DOCK8: variants seen among roughly 807,000 people sequenced by gnomAD.
DOCK8 encodes the protein dedicator of cytokinesis protein 8.
Under a neutral mutation model 245.6 loss-of-function variants are expected in DOCK8, and 141 were observed. The observed-to-expected ratio is 0.57, with a 90% CI of 0.50 to 0.66. DOCK8 has a LOEUF of 0.66. Ranked by LOEUF, DOCK8 falls within the 30% of genes least tolerant of loss-of-function variation. DOCK8 has a pLI of 0.00. For missense variants in DOCK8, 2,965 were observed against 2,603.4 expected, an observed-to-expected ratio of 1.14 and a Z score of -3.02; for synonymous variants, 1,168 against 970.2, an observed-to-expected ratio of 1.20 and a Z score of -3.79.
intron 6 of DOCK8, among the ~76,000 whole-genome samples, chr9:315,911 T>C (rs149930670): frequency 2.1e-3 from 323 of 152,336 alleles, no homozygotes; most frequent in African/African-American, 7.5e-3. Flanking sequence ...CCTTTAGATA[T>C]GTCTGTTCCA....
chr9:425,490 CCACTGCA>C (rs1433602361), intron 33 of DOCK8, among the ~76,000 whole-genome samples: 16 of 146,416 alleles, frequency 1.1e-4, no homozygotes, highest in Admixed American at 7.4e-4. Context: ...CAAGATTGCG[CCACTGCA>C]CTCTGCACTC....
chr9:289,792 A>G (rs2048965254), intron 4 of DOCK8, among the ~76,000 whole-genome samples: 1 of 152,202 alleles, frequency 6.6e-6, no homozygotes, highest in African/African-American at 2.4e-5. Context: ...TACATTTGTT[A>G]CAGTAGCTGA....
chr9:366,094 A>G (rs1176964509), intron 14 of DOCK8: 1 of 169,918 alleles, frequency 5.9e-6, no homozygotes, highest in Non-Finnish European at 1.3e-5. Flanking sequence ...CTCATCTTTA[A>G]AAGTTGGGGC....
intron 33 of DOCK8, among the ~76,000 whole-genome samples, chr9:424,937 A>C (rs1315787297): frequency 6.6e-6 from 1 of 152,240 alleles, no homozygotes; most frequent in Non-Finnish European, 1.5e-5. Context: ...CAAATGCTTG[A>C]AATATGGCTA....
chr9:438,539 G>A (rs760385758), intron 39 of DOCK8, among the ~76,000 whole-genome samples: 9 of 152,158 alleles, frequency 5.9e-5, no homozygotes, highest in Non-Finnish European at 1.3e-4. Flanking sequence ...CCTCAGGGTC[G>A]AGCGGGTACA....
intron 10 of DOCK8, among the ~76,000 whole-genome samples, chr9:332,865 C>T (rs1309338870): frequency 6.6e-6 from 1 of 151,722 alleles, no homozygotes; most frequent in Non-Finnish European, 1.5e-5. Flanking sequence ...ACTGTGTTGC[C>T]CAGGCTGCTC....
chr9:429,689 A>G lies in DOCK8; in HGVS notation c.4474-13A>G, dbSNP rs753461261. 1 of 1,614,188 alleles carries G rather than the reference A, an allele frequency of 6.2e-7. No individual in the cohort carries two copies. The highest frequency in any genetic ancestry group is 1.1e-5 in the South Asian group (1 of 91,088). ...GCCAAGTGATGCCTAATGGCCCTTT[A>G]TGTCTCTCCTAGTTTGGAGACTTAC... On this transcript the variant is annotated splice_polypyrimidine_tract_variant and intron_variant, in intron 35 of 47. Transcript: ENST00000432829.
chr9:304,790 G>C (rs1210170741), intron 5 of DOCK8, 86 bp downstream of exon 5: 27 of 1,586,618 alleles, frequency 1.7e-5, no homozygotes, highest in Non-Finnish European at 2.3e-5. Context: ...TAGAATAAAC[G>C]ATAGACGCAT....
At chr9:222,386 T>C (rs1189668297) in intron 1 of DOCK8, among the ~76,000 whole-genome samples, 1 of 152,166 alleles carries the variant, frequency 6.6e-6, no homozygotes, top group Non-Finnish European at 1.5e-5. Flanking sequence ...CTTACAAATT[T>C]CTAACAGTAT....
At chr9:330,349 A>G (rs11998906) in intron 9 of DOCK8, among the ~76,000 whole-genome samples, 28,838 of 152,120 alleles carry the variant, frequency 0.19, 2,983 homozygotes, top group Non-Finnish European at 0.22. Context: ...TCCTTATGTA[A>G]GGGCCACATA....
Position 334,375 on chromosome 9 carries a change from T to C in DOCK8, c.1276T>C (p.Ser426Pro), listed in dbSNP as rs745928931. Residue 426 changes from serine (S) to proline (P), a missense_variant, in exon 11 of 48, where the codon TCT becomes CCT. Transcript: ENST00000432829. ...TLEREVTDVD[S>P]VVGRSSVGER... is the part of the protein sequence containing the mutation. Reference sequence around the variant, plus strand: ...TGAGAGGGAGGTAACTGATGTGGACTCTGTGGTTGGTAAGATTTTCACCTG... The same window carrying C: ...TGAGAGGGAGGTAACTGATGTGGACCCTGTGGTTGGTAAGATTTTCACCTG... 2.5e-6 allele frequency: 4 copies of C among 1,612,538 alleles called. No individual in the cohort carries two copies. Among genetic ancestry groups the C allele is most frequent in the East Asian group, 4.5e-5 (2 of 44,874 alleles).
intron 26 of DOCK8, 25 bp downstream of exon 26, chr9:399,284 C>T: frequency 3.3e-6 from 5 of 1,502,242 alleles, no homozygotes; most frequent in Admixed American, 1.8e-5. Context: ...CACCCCCACC[C>T]CCGAGCGAGC....
intron 35 of DOCK8, 147 bp downstream of exon 35, chr9:428,643 C>T: frequency 2.9e-6 from 3 of 1,037,842 alleles, no homozygotes; most frequent in Non-Finnish European, 4.3e-6. Context: ...AGGAAGAAAG[C>T]AGATGCCCTG....
intron 1 of DOCK8, among the ~76,000 whole-genome samples, chr9:248,845 C>A (rs929367964): frequency 3.3e-5 from 5 of 152,090 alleles, no homozygotes; most frequent in African/African-American, 9.7e-5. Context: ...AAGAAGTAAA[C>A]CTAACTCTGA....
chr9:396,963 A>C, intron 25 of DOCK8, 29 bp downstream of exon 25: 1 of 1,606,470 alleles, frequency 6.2e-7, no homozygotes, highest in Non-Finnish European at 8.5e-7. Flanking sequence ...TTATTTTCTA[A>C]ATTGTTTACC....
rs535274516 is a variant in DOCK8 at position 340,205 on chromosome 9, C to T, written c.1563C>T (p.Cys521=). Residue 521 remains cysteine, a synonymous_variant, in exon 14 of 48, where the codon TGC becomes TGT. Transcript: ENST00000432829. ...CTACAGCTCCAGAGATCATCAATTGCTGTCTGACTCCTGAAATGCTGCCCG... is the reference window on the plus strand; with the variant it reads ...CTACAGCTCCAGAGATCATCAATTGTTGTCTGACTCCTGAAATGCTGCCCG... The part of the protein sequence containing the change: ...EISTAPEIIN[C]CLTPEMLPVK... 33 of 1,614,166 alleles carry T rather than the reference C, an allele frequency of 2.0e-5. No individual in the cohort carries two copies. Among genetic ancestry groups the T allele is most frequent in the East Asian group, 1.3e-4 (6 of 44,884 alleles).
chr9:441,004 G>A (rs908359375), intron 40 of DOCK8, among the ~76,000 whole-genome samples: 8 of 152,152 alleles, frequency 5.3e-5, no homozygotes, highest in Non-Finnish European at 1.0e-4. Context: ...AAAGTGCTGG[G>A]ATTACAGGCA....
chr9:464,446 G>T lies in DOCK8; in HGVS notation c.*227G>T. The T allele has an allele frequency of 1.6e-6, 1 of 608,226 alleles. No homozygotes were observed. Among genetic ancestry groups the T allele is most frequent in the South Asian group, 1.9e-5 (1 of 52,042 alleles). 37.7% of individuals were successfully genotyped at this position (608,226 alleles called of 1,614,324 possible). On this transcript the variant is annotated 3_prime_UTR_variant, in exon 48 of 48. Transcript: ENST00000432829. ...GGCGGGATGGAGGATGGGTACTCAG[G>T]CATGACTGCGTATTTATTAAAGTGT... is the stretch of plus-strand genomic sequence containing the variant.
chr9:366,031 G>C (rs1354926819), intron 14 of DOCK8: 1 of 191,486 alleles, frequency 5.2e-6, no homozygotes, highest in Non-Finnish European at 1.1e-5. Context: ...TGGCTGAGTA[G>C]AAACAGCCCT....
Sources: allele counts gnomAD v4.1 joint callset (sites outside exome capture counted in the v4.1 genomes callset), GRCh38; gene constraint gnomAD v4.1.1; transcripts MANE v1.5; gene names NCBI Gene and HGNC (gene_info 2026-07-23, HGNC 2026-07-21).